The following COL23A1 variants were observed in gnomAD, a reference collection of about 807,000 sequenced individuals.
COL23A1 encodes the protein collagen type XXIII alpha 1 chain, also known as collagen alpha-1(XXIII) chain.
A neutral mutation model predicts 99.3 loss-of-function variants in COL23A1; 97 were observed. The ratio of observed to expected loss-of-function variants is 0.98; its 90% CI spans 0.83 to 1.16. The LOEUF (loss-of-function observed/expected upper bound fraction) is 1.16. Among genes scored for constraint, COL23A1 ranks in the 50% most tolerant of loss-of-function variants. The pLI, the probability that COL23A1 is intolerant of heterozygous loss-of-function variation, is 0.00. For missense variants in COL23A1, 762 were observed against 757.4 expected, an observed-to-expected ratio of 1.01 and a Z score of -0.07; for synonymous variants, 320 against 308.2, an observed-to-expected ratio of 1.04 and a Z score of -0.40.
intron 2 of COL23A1, among the ~76,000 whole-genome samples, chr5:178,499,928 C>T (rs35218983): frequency 0.37 from 55,738 of 152,032 alleles, 11,913 homozygotes; most frequent in Admixed American, 0.5. Flanking sequence ...GATATAATTA[C>T]GCTGAATGAA....
intron 2 of COL23A1, among the ~76,000 whole-genome samples, chr5:178,417,494 T>C (rs1765375553): frequency 6.6e-6 from 1 of 152,110 alleles, no homozygotes; most frequent in Non-Finnish European, 1.5e-5. Flanking sequence ...CCCGCAACAT[T>C]CTGGATTCTC....
chr5:178,321,841 C>G (rs181160845), intron 2 of COL23A1, among the ~76,000 whole-genome samples: 1 of 149,694 alleles, frequency 6.7e-6, no homozygotes, highest in Non-Finnish European at 1.5e-5. Flanking sequence ...GGATAGACTA[C>G]GTTTACTCTG....
At chr5:178,567,397 A>G (rs963999831) in intron 1 of COL23A1, among the ~76,000 whole-genome samples, 1 of 152,184 alleles carries the variant, frequency 6.6e-6, no homozygotes, top group African/African-American at 2.4e-5. Context: ...AAAGTAAGGA[A>G]GTGCTTTACA....
chr5:178,354,088 A>G (rs1761487597), intron 2 of COL23A1, among the ~76,000 whole-genome samples: 1 of 152,014 alleles, frequency 6.6e-6, no homozygotes. Flanking sequence ...TTGCTGAAGG[A>G]CAGGGGTGGT....
chr5:178,297,509 C>T (rs189618874), intron 3 of COL23A1, among the ~76,000 whole-genome samples: 11 of 152,314 alleles, frequency 7.2e-5, no homozygotes, highest in African/African-American at 2.6e-4. Flanking sequence ...CAGAGTAAGA[C>T]TCCGTCTCAA....
intron 2 of COL23A1, among the ~76,000 whole-genome samples, chr5:178,492,475 C>T (rs567191895): frequency 6.6e-6 from 1 of 152,296 alleles, no homozygotes; most frequent in South Asian, 2.1e-4. Context: ...ACACCTTGAT[C>T]CTGGACTTCC....
intron 2 of COL23A1, among the ~76,000 whole-genome samples, chr5:178,401,973 G>A (rs757865750): frequency 2.6e-5 from 4 of 152,032 alleles, no homozygotes; most frequent in South Asian, 2.1e-4. Flanking sequence ...CTGCCACCAC[G>A]CTCGGCTAAT....
At chr5:178,572,060 T>C (rs1384074243) in intron 1 of COL23A1, among the ~76,000 whole-genome samples, 1 of 60,280 alleles carries the variant, frequency 1.7e-5, no homozygotes, top group Non-Finnish European at 2.8e-5. Context: ...AGAGCGAGAC[T>C]CTTTCTCAAA....
intron 2 of COL23A1, among the ~76,000 whole-genome samples, chr5:178,551,526 T>G (rs1307008296): frequency 1.3e-5 from 2 of 152,130 alleles, no homozygotes; most frequent in Non-Finnish European, 2.9e-5. Flanking sequence ...CTGCGCAGCT[T>G]CCCCTCCCCA....
At chr5:178,291,195 C>T (rs865987830) in intron 3 of COL23A1, among the ~76,000 whole-genome samples, 5 of 152,268 alleles carry the variant, frequency 3.3e-5, no homozygotes, top group Non-Finnish European at 7.4e-5. Flanking sequence ...AACCAGACCC[C>T]GAACCTCACT....
intron 2 of COL23A1, among the ~76,000 whole-genome samples, chr5:178,409,008 AC>A (rs1290649542): frequency 1.3e-5 from 2 of 150,122 alleles, no homozygotes; most frequent in Non-Finnish European, 3.0e-5. Context: ...ACACACACAC[AC>A]ACACACACAC....
At chr5:178,512,124 A>G (rs1482249364) in intron 2 of COL23A1, among the ~76,000 whole-genome samples, 1 of 152,230 alleles carries the variant, frequency 6.6e-6, no homozygotes, top group African/African-American at 2.4e-5. Context: ...GCTCTTCACT[A>G]TAGTAATTAT....
intron 25 of COL23A1, among the ~76,000 whole-genome samples, chr5:178,244,639 A>G (rs1764576768): frequency 6.6e-6 from 1 of 152,214 alleles, no homozygotes; most frequent in Admixed American, 6.5e-5. Context: ...CTTGATTTCC[A>G]CAGGGAAAGC....
chr5:178,291,266 G>A (rs894599978), intron 3 of COL23A1, among the ~76,000 whole-genome samples: 3 of 152,198 alleles, frequency 2.0e-5, no homozygotes, highest in East Asian at 1.9e-4. Context: ...CGATTTATAC[G>A]TCCCAAGTAT....
chr5:178,533,559 G>A (rs759196510), intron 2 of COL23A1, among the ~76,000 whole-genome samples: 1 of 152,110 alleles, frequency 6.6e-6, no homozygotes, highest in Non-Finnish European at 1.5e-5. Flanking sequence ...GTGCAGTGGC[G>A]TGATCTCGGC....
At chr5:178,274,581 G>A (rs1285004890) in intron 5 of COL23A1, among the ~76,000 whole-genome samples, 1 of 151,884 alleles carries the variant, frequency 6.6e-6, no homozygotes, top group Admixed American at 6.5e-5. Flanking sequence ...TGGGTGTGGG[G>A]GGGGTCTCCC....
chr5:178,389,745 A>G (rs1763864989), intron 2 of COL23A1, among the ~76,000 whole-genome samples: 1 of 152,202 alleles, frequency 6.6e-6, no homozygotes, highest in East Asian at 1.9e-4. Context: ...AGTGACAAGG[A>G]GCTCCATGTC....
At chr5:178,238,766 C>T in intron 28 of COL23A1, 66 bp from the exon 29 acceptor site, 1 of 1,598,442 alleles carries the variant, frequency 6.3e-7, no homozygotes, top group Non-Finnish European at 8.6e-7. Flanking sequence ...ATCCAGGCCA[C>T]CTTGCCTGGC....
chr5:178,565,911 G>A (rs1326184948), intron 1 of COL23A1, among the ~76,000 whole-genome samples: 8 of 149,954 alleles, frequency 5.3e-5, no homozygotes, highest in Admixed American at 3.4e-4. Context: ...TCAGGAGTTC[G>A]TGACTAGCCT....
Sources: gnomAD v4.1 joint callset for allele counts (sites outside exome capture counted in the v4.1 genomes callset) on GRCh38, gnomAD v4.1.1 for gene constraint, MANE v1.5 for transcripts, NCBI Gene and HGNC (gene_info 2026-07-23, HGNC 2026-07-21) for gene names.